Variants in KCNMB4 observed in about 807,000 individuals in gnomAD.
KCNMB4 encodes potassium calcium-activated channel subfamily M regulatory beta subunit 4.
A neutral mutation model predicts 20.7 loss-of-function variants in KCNMB4; 3 were observed. The ratio of observed to expected loss-of-function variants is 0.14; its 90% CI spans 0.07 to 0.37. The LOEUF is 0.37. Among genes scored for constraint, KCNMB4 ranks in the 10% least tolerant of loss-of-function variants. KCNMB4 has a pLI of 1.00. For missense variants in KCNMB4, 168 were observed against 265.9 expected (o/e 0.63, Z 2.56); for synonymous variants, 110 against 113.4 (o/e 0.97, Z 0.19).
intron 1 of KCNMB4, among the ~76,000 whole-genome samples, chr12:70,381,248 T>A (rs142165007): frequency 2.6e-5 from 4 of 152,208 alleles, no homozygotes; most frequent in African/African-American, 9.6e-5. Flanking sequence ...ATAACAAGTG[T>A]TGTCAAAATA....
At position 70,415,166 on chromosome 12, in the gene KCNMB4, C is replaced by T. The variant is rs1394041462; in HGVS notation, c.464+14830C>T. Reference sequence around the variant, plus strand: ...CCCTACAAGGCATTATTAACACAATCCTCATTTTATACATGAGGGAACTGG... The same window carrying T: ...CCCTACAAGGCATTATTAACACAATTCTCATTTTATACATGAGGGAACTGG... On this transcript the variant is annotated intron_variant, in intron 2 of 2. Transcript: ENST00000258111. Among the ~76,000 whole-genome samples the T allele has an allele frequency of 3.3e-5, 5 of 152,282 alleles. No homozygotes were observed. In the East Asian group the frequency reaches 9.7e-4, roughly 29 times the overall value.
At chr12:70,400,402 T>C in intron 2 of KCNMB4, 66 bp downstream of exon 2, 5 of 1,482,300 alleles carry the variant, frequency 3.4e-6, no homozygotes, top group East Asian at 4.7e-5. Context: ...TACACTGTTA[T>C]ATCGTAGATT....
At chr12:70,382,861 A>AT (rs1412878894) in intron 1 of KCNMB4, among the ~76,000 whole-genome samples, 1 of 152,280 alleles carries the variant, frequency 6.6e-6, no homozygotes, top group Non-Finnish European at 1.5e-5. Flanking sequence ...ACAGTCGTTC[A>AT]TTGTTTAAGG....
At position 70,419,830 on chromosome 12, in the gene KCNMB4, T is replaced by G. The variant is rs145627492; in HGVS notation, c.465-10655T>G. Among the ~76,000 whole-genome samples the G allele has an allele frequency of 7.9e-5, 12 of 152,284 alleles. No homozygotes were observed. The East Asian group carries it at 2.1e-3, about 27-fold the overall frequency. ...ACTTAGGGAGGATGGATATTAAAAT[T>G]GCAAAGTGTTATTAATGCTGTGGTT... On this transcript the variant is annotated intron_variant, in intron 2 of 2. Transcript: ENST00000258111.
At chr12:70,399,244 C>T (rs986510479) in intron 1 of KCNMB4, among the ~76,000 whole-genome samples, 1 of 152,134 alleles carries the variant, frequency 6.6e-6, no homozygotes, top group Non-Finnish European at 1.5e-5. Context: ...TACTATAAAA[C>T]TCTATGTTGT....
intron 2 of KCNMB4, among the ~76,000 whole-genome samples, chr12:70,408,457 G>A (rs1868673882): frequency 6.6e-6 from 1 of 152,324 alleles, no homozygotes; most frequent in East Asian, 1.9e-4. Context: ...CAAGAAAAGG[G>A]TGTTATTTTA....
rs577697376 is a variant in KCNMB4 at position 70,378,030 on chromosome 12, G to C, written c.336+10960G>C. Reference sequence around the variant, plus strand: ...AGTGGTGTAATCTCGTCTCACTGCAGCCTCCACCTCGCGAGTTCAAGTGAC... The same window carrying C: ...AGTGGTGTAATCTCGTCTCACTGCACCCTCCACCTCGCGAGTTCAAGTGAC... On this transcript the variant is annotated intron_variant, in intron 1 of 2. Coordinates refer to ENST00000258111, the MANE Select transcript of KCNMB4 (RefSeq NM_014505.6). Among the ~76,000 whole-genome samples the C allele has an allele frequency of 3.3e-5, 5 of 150,096 alleles. No homozygotes were observed. In the East Asian group the frequency reaches 7.9e-4, roughly 24 times the overall value.
intron 2 of KCNMB4, among the ~76,000 whole-genome samples, chr12:70,426,763 G>A (rs1869225330): frequency 6.6e-6 from 1 of 152,172 alleles, no homozygotes; most frequent in Non-Finnish European, 1.5e-5. Flanking sequence ...GATCAAATGA[G>A]TCTGAATGTC....
In KCNMB4 at chr12:70,421,352, C is replaced by T. The variant is rs557199610; in HGVS notation, c.465-9133C>T. 4.0e-4 allele frequency among the ~76,000 whole-genome samples: 59 copies of T among 148,276 alleles called. 1 individual carries two copies. The highest frequency in any genetic ancestry group is 1.3e-3 in the African/African-American group (54 of 40,340). On this transcript the variant is annotated intron_variant, in intron 2 of 2. Transcript: ENST00000258111. ...CAAAAAATTGTAAAAATTAGCTGAGCGTGATGGTGGGCACCTGTAGTCCCA... is the reference window on the plus strand; with the variant it reads ...CAAAAAATTGTAAAAATTAGCTGAGTGTGATGGTGGGCACCTGTAGTCCCA...
intron 1 of KCNMB4, among the ~76,000 whole-genome samples, chr12:70,370,846 AT>A: frequency 6.6e-6 from 1 of 151,234 alleles, no homozygotes; most frequent in East Asian, 2.0e-4. Context: ...ATTAGAGATA[AT>A]ATGGTTATTT....
At chr12:70,421,880 CTTTT>C (rs34594277) in intron 2 of KCNMB4, among the ~76,000 whole-genome samples, 2 of 136,894 alleles carry the variant, frequency 1.5e-5, no homozygotes, top group Non-Finnish European at 1.6e-5. Flanking sequence ...CATGCCTGGC[CTTTT>C]TTTTTTTTTT....
intron 2 of KCNMB4, among the ~76,000 whole-genome samples, chr12:70,411,821 A>G (rs1868786221): frequency 6.6e-6 from 1 of 152,192 alleles, no homozygotes; most frequent in Non-Finnish European, 1.5e-5. Flanking sequence ...AGAGGTTGAA[A>G]TAGATAATAC....
At chr12:70,418,214 T>C (rs1485547055) in intron 2 of KCNMB4, among the ~76,000 whole-genome samples, 1 of 152,126 alleles carries the variant, frequency 6.6e-6, no homozygotes, top group Non-Finnish European at 1.5e-5. Flanking sequence ...TCCCTGCTCA[T>C]ATGCATATTT....
At chr12:70,381,070 T>G (rs1403423017) in intron 1 of KCNMB4, among the ~76,000 whole-genome samples, 1 of 149,196 alleles carries the variant, frequency 6.7e-6, no homozygotes, top group Non-Finnish European at 1.5e-5. Context: ...TAATCCAATT[T>G]AAAAGTGGGC....
chr12:70,423,976 G>A lies in KCNMB4; in HGVS notation c.465-6509G>A, dbSNP rs539732751. 8.2e-4 allele frequency among the ~76,000 whole-genome samples: 125 copies of A among 152,302 alleles called. 1 individual carries two copies. Among genetic ancestry groups the A allele is most frequent in the Admixed American group, 2.9e-3 (44 of 15,310 alleles). On this transcript the variant is annotated intron_variant, in intron 2 of 2. Transcript: ENST00000258111. Reference sequence around the variant, plus strand: ...GAAAAAGCATACACATTTTATCAATGTTAACATTTTTATGAGCATGGGGCT... The same window carrying A: ...GAAAAAGCATACACATTTTATCAATATTAACATTTTTATGAGCATGGGGCT...
intron 1 of KCNMB4, among the ~76,000 whole-genome samples, chr12:70,382,826 G>T (rs773418721): frequency 6.6e-6 from 1 of 152,134 alleles, no homozygotes; most frequent in African/African-American, 2.4e-5. Context: ...AAAATATGTG[G>T]TATCTCACTA....
At chr12:70,405,166 T>C (rs560697262) in intron 2 of KCNMB4, among the ~76,000 whole-genome samples, 1 of 152,194 alleles carries the variant, frequency 6.6e-6, no homozygotes, top group African/African-American at 2.4e-5. Context: ...TCATACTAAA[T>C]AGCAAAGAAA....
intron 1 of KCNMB4, among the ~76,000 whole-genome samples, chr12:70,393,350 C>CTG (rs1353002032): frequency 6.6e-6 from 1 of 152,036 alleles, no homozygotes; most frequent in African/African-American, 2.4e-5. Flanking sequence ...TTACAGGCTC[C>CTG]TGCCACCATG....
chr12:70,417,911 C>G (rs77753073), intron 2 of KCNMB4, among the ~76,000 whole-genome samples: 8,266 of 152,266 alleles, frequency 0.054, 373 homozygotes, highest in East Asian at 0.16. Flanking sequence ...GACCACCGAC[C>G]ATTCTTTATG....
Sources: allele counts gnomAD v4.1 joint callset (sites outside exome capture counted in the v4.1 genomes callset), GRCh38; gene constraint gnomAD v4.1.1; transcripts MANE v1.5; gene names NCBI Gene and HGNC (gene_info 2026-07-23, HGNC 2026-07-21).